TMEM232: variants seen among roughly 807,000 people sequenced by gnomAD.
TMEM232 encodes the protein transmembrane protein 232.
Under a neutral mutation model 78.8 loss-of-function variants are expected in TMEM232, and 80 were observed. The observed-to-expected ratio is 1.01, with a 90% CI of 0.85 to 1.22. TMEM232 has a LOEUF of 1.22. Ranked by LOEUF, TMEM232 falls within the 50% of genes most tolerant of loss-of-function variation. The pLI is 0.00. For synonymous variants in TMEM232, 297 were observed against 254.3 expected, an observed-to-expected ratio of 1.17 and a Z score of -1.60; for missense variants, 881 against 742.2, an observed-to-expected ratio of 1.19 and a Z score of -2.17.
chr5:110,618,327 A>G, intron 8 of TMEM232, 102 bp downstream of exon 8: 2 of 1,404,412 alleles, frequency 1.4e-6, no homozygotes, highest in Non-Finnish European at 1.9e-6. Context: ...TTTGTTTCAT[A>G]GTCAACTGAG....
At chr5:110,515,608 T>A (rs1768497751) in intron 12 of TMEM232, among the ~76,000 whole-genome samples, 1 of 152,152 alleles carries the variant, frequency 6.6e-6, no homozygotes, top group African/African-American at 2.4e-5. Flanking sequence ...ATGGGATAAT[T>A]CAAAATGTAA....
rs568426113 is a variant in TMEM232 at position 110,442,598 on chromosome 5, C to T, written c.1704-17682G>A. ...GTTCTCTGTCTGAAAGGTCACATACCTCTGTTTCTTCAGAATTTGTCCTTG... is the reference window on the plus strand; with the variant it reads ...GTTCTCTGTCTGAAAGGTCACATACTTCTGTTTCTTCAGAATTTGTCCTTG... On this transcript the variant is annotated intron_variant, in intron 12 of 13. Transcript: ENST00000455884. Among the ~76,000 whole-genome samples, 13 of 152,180 alleles carry T rather than the reference C, an allele frequency of 8.5e-5. No homozygotes were observed. The South Asian group carries it at 2.5e-3, about 29-fold the overall frequency.
At chr5:110,549,473 G>C (rs1420589168) in intron 11 of TMEM232, among the ~76,000 whole-genome samples, 3 of 151,688 alleles carry the variant, frequency 2.0e-5, no homozygotes, top group Non-Finnish European at 2.9e-5. Flanking sequence ...AAATAAGCTG[G>C]GCATGATGGC....
At chr5:110,569,855 G>A (rs1212967376) in intron 10 of TMEM232, among the ~76,000 whole-genome samples, 1 of 151,872 alleles carries the variant, frequency 6.6e-6, no homozygotes, top group Non-Finnish European at 1.5e-5. Flanking sequence ...AACTTGCTTA[G>A]AAAGCTCCCT....
At chr5:110,730,876 C>G (rs1798615401), upstream of TMEM232, among the ~76,000 whole-genome samples, 1 of 152,124 alleles carries the variant, frequency 6.6e-6, no homozygotes. Context: ...ATTTAAAAAC[C>G]AATCACGCCT....
intron 1 of TMEM232, among the ~76,000 whole-genome samples, chr5:110,713,131 GAAA>G (rs112694958): frequency 6.8e-6 from 1 of 146,100 alleles, no homozygotes; most frequent in Non-Finnish European, 1.5e-5. Context: ...TATGTTAAGA[GAAA>G]AAAAAAACAG....
At chr5:110,685,054 T>C (rs1158044272) in intron 1 of TMEM232, 1 of 152,046 alleles carries the variant, frequency 6.6e-6, no homozygotes, top group East Asian at 1.9e-4. Flanking sequence ...TAGAAAATTA[T>C]AACAAAAGGA....
chr5:110,404,190 T>C (rs879702622), intron 2 of TMEM232, among the ~76,000 whole-genome samples: 7 of 152,074 alleles, frequency 4.6e-5, no homozygotes, highest in African/African-American at 9.7e-5. Flanking sequence ...GCTTAACTTA[T>C]AATGTCAAAT....
chr5:110,659,673 T>A (rs1789537877), intron 2 of TMEM232, among the ~76,000 whole-genome samples: 1 of 152,132 alleles, frequency 6.6e-6, no homozygotes, highest in Non-Finnish European at 1.5e-5. Context: ...AAAATTATCA[T>A]GCTCATCCCA....
chr5:110,729,345 C>A (rs116582247), upstream of TMEM232, among the ~76,000 whole-genome samples: 3,649 of 152,294 alleles, frequency 0.024, 45 homozygotes, highest in African/African-American at 0.032. Context: ...CAACTGCTGC[C>A]ACAAACTCAC....
chr5:110,558,804 G>A (rs1237121065), intron 11 of TMEM232, among the ~76,000 whole-genome samples: 3 of 152,150 alleles, frequency 2.0e-5, no homozygotes, highest in Admixed American at 1.3e-4. Flanking sequence ...TCAAATGTCC[G>A]TGGGGATTAT....
At chr5:110,436,784 C>G (rs1758483897) in intron 12 of TMEM232, among the ~76,000 whole-genome samples, 1 of 152,080 alleles carries the variant, frequency 6.6e-6, no homozygotes, top group South Asian at 2.1e-4. Flanking sequence ...GGATTTGTTT[C>G]TGGGCTCTCT....
At chr5:110,598,814 G>C (rs1044136927) in intron 10 of TMEM232, among the ~76,000 whole-genome samples, 11 of 136,910 alleles carry the variant, frequency 8.0e-5, no homozygotes, top group Non-Finnish European at 1.4e-4. Context: ...TGAACAATAA[G>C]AACACATGGA....
At chr5:110,601,275 C>CA (rs1780856747) in intron 10 of TMEM232, among the ~76,000 whole-genome samples, 1 of 152,072 alleles carries the variant, frequency 6.6e-6, no homozygotes, top group Non-Finnish European at 1.5e-5. Context: ...CACTCCTATT[C>CA]AACATAGTAT....
rs191645780 is a variant in TMEM232 at position 110,460,865 on chromosome 5, A to T, written c.1704-35949T>A. Among the ~76,000 whole-genome samples, 114 of 152,162 alleles carry T rather than the reference A, an allele frequency of 7.5e-4. 1 individual carries two copies. Among genetic ancestry groups the T allele is most frequent in the Non-Finnish European group, 1.1e-3 (73 of 68,004 alleles). Reference sequence around the variant, plus strand: ...TAGTGATCTTTGATGTAACTATTGTAATTGTTTTGGGGTGTCACATACTCT... The same window carrying T: ...TAGTGATCTTTGATGTAACTATTGTTATTGTTTTGGGGTGTCACATACTCT... On this transcript the variant is annotated intron_variant, in intron 12 of 13. Transcript: ENST00000455884.
At chr5:110,698,470 T>C (rs535528252) in intron 1 of TMEM232, among the ~76,000 whole-genome samples, 1 of 152,042 alleles carries the variant, frequency 6.6e-6, no homozygotes, top group Non-Finnish European at 1.5e-5. Context: ...TAAGGTATAA[T>C]GCCTTTTACT....
chr5:110,396,912 A>G (rs1160113091), intron 3 of TMEM232, among the ~76,000 whole-genome samples: 2 of 152,172 alleles, frequency 1.3e-5, no homozygotes, highest in Non-Finnish European at 2.9e-5. Context: ...GATGAGAAGC[A>G]AAGAGCTGAA....
chr5:110,668,257 G>A (rs1790867717), intron 1 of TMEM232, among the ~76,000 whole-genome samples: 2 of 152,204 alleles, frequency 1.3e-5, no homozygotes, highest in Admixed American at 1.3e-4. Flanking sequence ...CACTCTTAGG[G>A]CTAAAGAGGA....
At chr5:110,727,782 C>G (rs952223478), upstream of TMEM232, among the ~76,000 whole-genome samples, 1 of 152,072 alleles carries the variant, frequency 6.6e-6, no homozygotes, top group African/African-American at 2.4e-5. Flanking sequence ...AATATGTGAT[C>G]TCAGGCTTCT....
Sources: gnomAD v4.1 joint callset for allele counts (sites outside exome capture counted in the v4.1 genomes callset) on GRCh38, gnomAD v4.1.1 for gene constraint, MANE v1.5 for transcripts, NCBI Gene and HGNC (gene_info 2026-07-23, HGNC 2026-07-21) for gene names.